The following ABHD10 variants were observed in gnomAD, a reference collection of about 807,000 sequenced individuals.
The protein encoded by ABHD10 is palmitoyl-protein thioesterase ABHD10, mitochondrial.
A neutral mutation model predicts 33.1 loss-of-function variants in ABHD10; 22 were observed. The observed-to-expected ratio is 0.66, with a 90% CI of 0.47 to 0.95. ABHD10 has a LOEUF of 0.95. ABHD10 is among the 40% of genes least tolerant of loss of function. The pLI, the probability that ABHD10 is intolerant of heterozygous loss-of-function variation, is 0.00. For synonymous variants in ABHD10, 146 were observed against 133.9 expected (o/e 1.09, Z -0.62); for missense variants, 352 against 379.9 (o/e 0.93, Z 0.61).
chr3:111,990,209 TG>T (rs982887177), intron 4 of ABHD10, among the ~76,000 whole-genome samples: 7 of 152,048 alleles, frequency 4.6e-5, no homozygotes, highest in African/African-American at 1.7e-4. Context: ...TACCACAGTA[TG>T]AGATGGTCAA....
At chr3:111,985,285 G>C (rs149620354) in intron 2 of ABHD10, among the ~76,000 whole-genome samples, 153 of 152,250 alleles carry the variant, frequency 1.0e-3, no homozygotes, top group African/African-American at 3.5e-3. Flanking sequence ...ATACCACCAT[G>C]ATTTTTTATT....
At chr3:111,986,867 C>A (rs752960986) in intron 3 of ABHD10, 47 bp from the exon 4 acceptor site, 9 of 1,430,318 alleles carry the variant, frequency 6.3e-6, no homozygotes, top group African/African-American at 1.5e-5. Context: ...ATGTTTATAA[C>A]CTGTTCTATC....
At chr3:111,989,595 A>C (rs1348101916) in intron 4 of ABHD10, among the ~76,000 whole-genome samples, 1 of 152,246 alleles carries the variant, frequency 6.6e-6, no homozygotes, top group Non-Finnish European at 1.5e-5. Flanking sequence ...AACCAGTGGG[A>C]CTAAGTTCTA....
chr3:111,979,231 T>C lies in ABHD10; in HGVS notation c.142+28T>C. On this transcript the variant is annotated intron_variant, in intron 1 of 4. Coordinates refer to ENST00000273359, the MANE Select transcript of ABHD10 (RefSeq NM_018394.4). ...CAGTGTCCGAAAGGCGGGAGTAGGATGCGTTCTTTCGAACGCCTCGGGTTC... is the reference window on the plus strand; with the variant it reads ...CAGTGTCCGAAAGGCGGGAGTAGGACGCGTTCTTTCGAACGCCTCGGGTTC... The C allele has an allele frequency of 3.2e-6, 5 of 1,574,750 alleles. No homozygotes were observed. The East Asian group carries it at 1.1e-4, about 36-fold the overall frequency.
rs142749430 is a variant in ABHD10 at position 111,982,487 on chromosome 3, G to A, written c.326+520G>A. Among the ~76,000 whole-genome samples, 367 of 152,222 alleles carry A rather than the reference G, an allele frequency of 2.4e-3. 2 individuals carry two copies. Among genetic ancestry groups the A allele is most frequent in the Middle Eastern group, 0.02 (6 of 294 alleles). ...TATAATTCCTAATTTTTCACACTGAGAGTTATTTTAGTAAATAACTTTATG... is the reference window on the plus strand; with the variant it reads ...TATAATTCCTAATTTTTCACACTGAAAGTTATTTTAGTAAATAACTTTATG... On this transcript the variant is annotated intron_variant, in intron 2 of 4. Coordinates refer to ENST00000273359, the MANE Select transcript of ABHD10 (RefSeq NM_018394.4).
chr3:111,981,735 A>G (rs1462259992), intron 1 of ABHD10, 49 bp from the exon 2 acceptor site: 1 of 1,429,446 alleles, frequency 7.0e-7, no homozygotes, highest in Admixed American at 2.2e-5. Context: ...ATGGTTTTCC[A>G]AAGACTGAGT....
rs1196800244 is a variant in ABHD10, at chr3:111,991,487, C to G, written c.687C>G (p.Cys229Trp). The G allele has an allele frequency of 6.2e-7, 1 of 1,614,052 alleles. No homozygotes were observed. The highest frequency in any genetic ancestry group is 1.1e-5 in the South Asian group (1 of 91,070). ...YSFIKEAEHH[C>W]LLHSPIPVNC... ...TCATTAAAGAAGCTGAACATCACTGCTTGTTACATAGCCCAATTCCTGTGA... is the reference window on the plus strand; with the variant it reads ...TCATTAAAGAAGCTGAACATCACTGGTTGTTACATAGCCCAATTCCTGTGA... Residue 229 changes from cysteine (C) to tryptophan (W), a missense_variant, in exon 5 of 5, where the codon TGC becomes TGG. Coordinates refer to ENST00000273359, the MANE Select transcript of ABHD10 (RefSeq NM_018394.4).
At chr3:111,989,704 A>G (rs2072718273) in intron 4 of ABHD10, among the ~76,000 whole-genome samples, 1 of 152,178 alleles carries the variant, frequency 6.6e-6, no homozygotes, top group Non-Finnish European at 1.5e-5. Context: ...TGTTGTTTTA[A>G]TACAGAGAAT....
At position 111,987,001 on chromosome 3, in the gene ABHD10, G is replaced by C. The variant is rs2107712201; in HGVS notation, c.526G>C (p.Ala176Pro). The C allele has an allele frequency of 6.2e-7, 1 of 1,613,316 alleles. No homozygotes were observed. Among genetic ancestry groups the C allele is most frequent in the South Asian group, 1.1e-5 (1 of 90,896 alleles). ...GAAGGTCGTGGCTCTTATTGGTGTAGCTACAGCTGCAGATACCTTAGTGAC... is the reference window on the plus strand; with the variant it reads ...GAAGGTCGTGGCTCTTATTGGTGTACCTACAGCTGCAGATACCTTAGTGAC... ...PEKVVALIGV[A>P]TAADTLVTKF... Residue 176 changes from alanine (A) to proline (P), a missense_variant, in exon 4 of 5, where the codon GCT (alanine) becomes CCT (proline). Coordinates refer to ENST00000273359, the MANE Select transcript of ABHD10 (RefSeq NM_018394.4).
chr3:111,991,871 A>T lies in ABHD10; in HGVS notation c.*150A>T. The T allele has an allele frequency of 3.4e-6, 2 of 596,400 alleles. No individual in the cohort carries two copies. The highest frequency in any genetic ancestry group is 5.4e-6 in the Non-Finnish European group (2 of 373,786). The allele number at this position is 596,400 out of a possible 1,614,324, so 36.9% of individuals were successfully genotyped here. A position where few individuals can be genotyped will look rare whatever the true frequency, so the allele number is the denominator to read the frequency against. ...TATTTAATGATGTATTTGCATAAGT[A>T]ATGCAAATTGTGAAGAAGGACCAGC... On this transcript the variant is annotated 3_prime_UTR_variant, in exon 5 of 5. Coordinates refer to ENST00000273359, the MANE Select transcript of ABHD10 (RefSeq NM_018394.4).
chr3:111,990,875 A>G (rs2107714133), intron 4 of ABHD10: 2 of 432,770 alleles, frequency 4.6e-6, no homozygotes, highest in East Asian at 7.5e-5. Context: ...TTTTAGGTTT[A>G]CAATTTTGAA....
chr3:111,980,264 G>A (rs897794804), intron 1 of ABHD10, among the ~76,000 whole-genome samples: 2 of 152,166 alleles, frequency 1.3e-5, no homozygotes, highest in Non-Finnish European at 2.9e-5. Flanking sequence ...ATGAACATGA[G>A]TGGATCAGCA....
intron 1 of ABHD10, among the ~76,000 whole-genome samples, chr3:111,979,419 G>C (rs1347440586): frequency 6.6e-6 from 1 of 152,248 alleles, no homozygotes; most frequent in Non-Finnish European, 1.5e-5. Context: ...CCGGGCCCTC[G>C]CTGGCGTTTT....
intron 4 of ABHD10, 21 bp downstream of exon 4, chr3:111,987,072 G>A (rs763737188): frequency 1.2e-6 from 2 of 1,609,512 alleles, no homozygotes; most frequent in African/African-American, 1.3e-5. Context: ...AGTCACTTTT[G>A]CCACCTCAAT....
At chr3:111,987,190 G>A (rs2072679134) in intron 4 of ABHD10, 139 bp downstream of exon 4, 2 of 829,170 alleles carry the variant, frequency 2.4e-6, no homozygotes, top group Non-Finnish European at 3.7e-6. Context: ...TGTCTTAGCT[G>A]CCTTTCTGTA....
chr3:111,986,857 A>G, intron 3 of ABHD10, 57 bp from the exon 4 acceptor site: 2 of 1,326,604 alleles, frequency 1.5e-6, no homozygotes, highest in South Asian at 1.5e-5. Context: ...ATTTTGTTTT[A>G]TGTTTATAAC....
Position 111,993,290 on chromosome 3 carries a change from C to A in ABHD10, c.*1569C>A, listed in dbSNP as rs1023189356. ...TGCACTTAGTTTCCCCTGACTTCAC[C>A]CCATGTGTCTTTTTTCCTTTGCTGA... On this transcript the variant is annotated 3_prime_UTR_variant, in exon 5 of 5. Transcript: ENST00000273359. The A allele has an allele frequency of 6.6e-6, 1 of 152,064 alleles. No individual in the cohort carries two copies. Among genetic ancestry groups the A allele is most frequent in the Non-Finnish European group, 1.5e-5 (1 of 68,072 alleles). The allele number at this position is 152,064 out of a possible 1,614,324, so 9.4% of individuals were successfully genotyped here. A position where few individuals can be genotyped will look rare whatever the true frequency, so the allele number is the denominator to read the frequency against.
At chr3:111,985,663 A>G (rs1398084207) in intron 2 of ABHD10, among the ~76,000 whole-genome samples, 2 of 152,192 alleles carry the variant, frequency 1.3e-5, no homozygotes, top group Non-Finnish European at 2.9e-5. Flanking sequence ...TGGTCATGGG[A>G]GGCTTTTCTG....
intron 1 of ABHD10, among the ~76,000 whole-genome samples, chr3:111,981,159 C>A (rs1349529646): frequency 6.6e-6 from 1 of 151,518 alleles, no homozygotes; most frequent in African/African-American, 2.4e-5. Flanking sequence ...CAAAAATTAA[C>A]CAGGTGTGGT....
Sources: allele counts gnomAD v4.1 joint callset (sites outside exome capture counted in the v4.1 genomes callset), GRCh38; gene constraint gnomAD v4.1.1; transcripts MANE v1.5; gene names NCBI Gene and HGNC (gene_info 2026-07-23, HGNC 2026-07-21).